The following MAST4 variants were observed in gnomAD, a reference collection of about 807,000 sequenced individuals.
MAST4 encodes microtubule-associated serine/threonine-protein kinase 4.
MAST4 carries 89 observed loss-of-function variants against 162.7 expected under a neutral mutation model. The ratio of observed to expected loss-of-function variants is 0.55; its 90% CI spans 0.46 to 0.65. The LOEUF is 0.65. Ranked by LOEUF, MAST4 falls within the 30% of genes least tolerant of loss-of-function variation. MAST4 has a pLI of 0.00. For missense variants in MAST4, 3,153 were observed against 3,374.0 expected, an observed-to-expected ratio of 0.93 and a Z score of 1.62; for synonymous variants, 1,479 against 1,361.1, an observed-to-expected ratio of 1.09 and a Z score of -1.91.
At chr5:66,862,976 C>A (rs1367228064) in intron 3 of MAST4, among the ~76,000 whole-genome samples, 1 of 152,182 alleles carries the variant, frequency 6.6e-6, no homozygotes, top group Non-Finnish European at 1.5e-5. Flanking sequence ...TACAGAATGG[C>A]TTTTCTACTT....
At chr5:67,087,068 C>T (rs916495361) in intron 5 of MAST4, among the ~76,000 whole-genome samples, 1 of 152,082 alleles carries the variant, frequency 6.6e-6, no homozygotes, top group Non-Finnish European at 1.5e-5. Context: ...TAATTCCTCC[C>T]TAAGGAAAAT....
chr5:66,637,470 C>T (rs1171643062), intron 1 of MAST4, among the ~76,000 whole-genome samples: 4 of 151,710 alleles, frequency 2.6e-5, no homozygotes, highest in Non-Finnish European at 5.9e-5. Context: ...TGCTTTTTTC[C>T]TCCAATGTGC....
At chr5:66,947,404 GC>G (rs1290446437) in intron 4 of MAST4, among the ~76,000 whole-genome samples, 1 of 152,066 alleles carries the variant, frequency 6.6e-6, no homozygotes, top group Non-Finnish European at 1.5e-5. Flanking sequence ...TCTCTCTTCT[GC>G]TTTTTCTTAT....
intron 1 of MAST4, among the ~76,000 whole-genome samples, chr5:66,665,360 A>G (rs1471455903): frequency 2.0e-5 from 3 of 152,222 alleles, no homozygotes; most frequent in East Asian, 1.9e-4. Context: ...GCTGGGATCC[A>G]GTGGCAAGAA....
At chr5:67,123,582 A>G (rs1581641667) in intron 14 of MAST4, among the ~76,000 whole-genome samples, 1 of 152,102 alleles carries the variant, frequency 6.6e-6, no homozygotes, top group Admixed American at 6.6e-5. Flanking sequence ...CCCTGATTCT[A>G]AGTGGAGCTC....
rs74734689 is a variant in MAST4, at chr5:66,742,426, A to G, written c.364-17283A>G. Among the ~76,000 whole-genome samples the G allele has an allele frequency of 4.1e-3, 629 of 152,280 alleles. 1 individual carries two copies. Among genetic ancestry groups the G allele is most frequent in the South Asian group, 0.013 (63 of 4,826 alleles). On this transcript the variant is annotated intron_variant, in intron 1 of 28. Transcript: ENST00000403625. ...ATTGGCTAAGATTAGTTGTAATTTT[A>G]TTAATAATTTTAGAATAAAATTGTT...
At chr5:66,951,715 T>C (rs1179361487) in intron 4 of MAST4, among the ~76,000 whole-genome samples, 1 of 151,894 alleles carries the variant, frequency 6.6e-6, no homozygotes, top group African/African-American at 2.4e-5. Flanking sequence ...GTGCTTTTCT[T>C]TGGAGTTAGT....
chr5:66,691,726 T>C (rs1749052314), intron 1 of MAST4, among the ~76,000 whole-genome samples: 1 of 152,108 alleles, frequency 6.6e-6, no homozygotes, highest in Non-Finnish European at 1.5e-5. Flanking sequence ...GCATTAATCC[T>C]ATTATGAGGG....
At chr5:67,138,529 G>T (rs1169486915) in intron 19 of MAST4, among the ~76,000 whole-genome samples, 1 of 151,804 alleles carries the variant, frequency 6.6e-6, no homozygotes. Flanking sequence ...CGCCTCCCAG[G>T]TTCAAGCGAT....
intron 5 of MAST4, among the ~76,000 whole-genome samples, chr5:67,080,654 A>AGT (rs1428997471): frequency 2.0e-5 from 3 of 152,088 alleles, no homozygotes; most frequent in African/African-American, 7.2e-5. Context: ...TAAGAATTAG[A>AGT]GTGAATACTC....
intron 1 of MAST4, among the ~76,000 whole-genome samples, chr5:66,654,784 TCA>T (rs1349601369): frequency 6.6e-6 from 1 of 152,118 alleles, no homozygotes; most frequent in Non-Finnish European, 1.5e-5. Context: ...GATGAGAGAA[TCA>T]CACAAAATTA....
intron 1 of MAST4, among the ~76,000 whole-genome samples, chr5:66,655,332 G>A (rs2149452880): frequency 6.6e-6 from 1 of 152,308 alleles, no homozygotes; most frequent in Admixed American, 6.5e-5. Context: ...TGGAAGTGAT[G>A]TACCCAAGTT....
chr5:66,844,699 A>G (rs551227691), intron 3 of MAST4, among the ~76,000 whole-genome samples: 1 of 152,262 alleles, frequency 6.6e-6, no homozygotes, highest in East Asian at 1.9e-4. Context: ...TTAGCCTGAC[A>G]TGACACATAG....
At chr5:66,692,067 C>T (rs1365247330) in intron 1 of MAST4, among the ~76,000 whole-genome samples, 1 of 152,088 alleles carries the variant, frequency 6.6e-6, no homozygotes, top group Non-Finnish European at 1.5e-5. Flanking sequence ...TGTGTAGCTG[C>T]AAAAGATGCT....
At chr5:66,621,870 C>T (rs1744098133) in intron 1 of MAST4, among the ~76,000 whole-genome samples, 1 of 152,150 alleles carries the variant, frequency 6.6e-6, no homozygotes, top group East Asian at 1.9e-4. Flanking sequence ...TATAGAGGGC[C>T]AAATAGTAAA....
intron 1 of MAST4, among the ~76,000 whole-genome samples, chr5:66,728,685 A>G (rs998929544): frequency 3.3e-5 from 5 of 152,208 alleles, no homozygotes; most frequent in African/African-American, 1.2e-4. Context: ...GTAACAAACA[A>G]AGGACACCTT....
chr5:66,851,041 C>T (rs771787155), intron 3 of MAST4, among the ~76,000 whole-genome samples: 19 of 150,734 alleles, frequency 1.3e-4, no homozygotes, highest in Non-Finnish European at 2.5e-4. Context: ...TATTTACACT[C>T]GGTGCATGCC....
At chr5:67,073,677 A>C (rs918504737) in intron 5 of MAST4, among the ~76,000 whole-genome samples, 1 of 152,250 alleles carries the variant, frequency 6.6e-6, no homozygotes, top group Admixed American at 6.5e-5. Context: ...TCATATATGA[A>C]TAAGAACAGG....
intron 1 of MAST4, among the ~76,000 whole-genome samples, chr5:66,652,692 G>A (rs1404955858): frequency 2.6e-5 from 4 of 152,004 alleles, no homozygotes; most frequent in African/African-American, 9.7e-5. Flanking sequence ...GCTCATAGTA[G>A]GTCTTAGGAA....
Sources: allele counts gnomAD v4.1 joint callset (sites outside exome capture counted in the v4.1 genomes callset), GRCh38; gene constraint gnomAD v4.1.1; transcripts MANE v1.5; gene names NCBI Gene and HGNC (gene_info 2026-07-23, HGNC 2026-07-21).